The following WWOX variants were observed in gnomAD, a reference collection of about 807,000 sequenced individuals.
WWOX encodes WW domain containing oxidoreductase, also known as WW domain-containing oxidoreductase.
In WWOX, 69 loss-of-function variants were observed where a neutral mutation model predicts 46.2. The ratio of observed to expected loss-of-function variants is 1.49; its 90% CI spans 1.23 to 1.82. WWOX has a LOEUF of 1.82. Among genes scored for constraint, WWOX ranks in the 40% most tolerant of loss-of-function variants. WWOX has a pLI of 0.00. For synonymous variants in WWOX, 359 were observed against 202.6 expected, an observed-to-expected ratio of 1.77 and a Z score of -6.56; for missense variants, 919 against 542.6, an observed-to-expected ratio of 1.69 and a Z score of -6.89.
chr16:78,113,560 C>T (rs1012644295), intron 3 of WWOX, among the ~76,000 whole-genome samples: 4 of 152,146 alleles, frequency 2.6e-5, no homozygotes, highest in African/African-American at 9.7e-5. Flanking sequence ...GAAATTGGCT[C>T]CCCTGGCTAG....
At chr16:78,112,217 G>A (rs1319354884) in intron 3 of WWOX, among the ~76,000 whole-genome samples, 2 of 152,154 alleles carry the variant, frequency 1.3e-5, no homozygotes, top group East Asian at 1.9e-4. Context: ...ACATCATTTG[G>A]GAGTTTTATG....
intron 8 of WWOX, among the ~76,000 whole-genome samples, chr16:78,584,887 G>T (rs1012887243): frequency 2.6e-5 from 4 of 152,198 alleles, no homozygotes; most frequent in Non-Finnish European, 5.9e-5. Flanking sequence ...CAAAACATTT[G>T]AGAGAATTTC....
chr16:78,404,483 C>T (rs2082480643), intron 6 of WWOX, among the ~76,000 whole-genome samples: 1 of 152,032 alleles, frequency 6.6e-6, no homozygotes, highest in Non-Finnish European at 1.5e-5. Flanking sequence ...CCACCCCAAC[C>T]CTCCTCATCT....
chr16:79,088,524 G>A (rs2048895110), intron 8 of WWOX, among the ~76,000 whole-genome samples: 2 of 152,274 alleles, frequency 1.3e-5, no homozygotes, highest in East Asian at 1.9e-4. Context: ...CAAATATGAC[G>A]GAGTCAGAAA....
At chr16:78,559,556 G>A (rs778464411) in intron 8 of WWOX, among the ~76,000 whole-genome samples, 6 of 152,140 alleles carry the variant, frequency 3.9e-5, no homozygotes, top group African/African-American at 9.7e-5. Flanking sequence ...CTTATTAAAC[G>A]TGCTGGAAAA....
At chr16:78,825,950 C>G (rs1478752971) in intron 8 of WWOX, 1 of 798,794 alleles carries the variant, frequency 1.3e-6, no homozygotes, top group African/African-American at 1.7e-5. Flanking sequence ...CATCTCAGAA[C>G]AGAAGGGTGG....
At chr16:78,769,806 A>G (rs1417332693) in intron 8 of WWOX, among the ~76,000 whole-genome samples, 1 of 151,302 alleles carries the variant, frequency 6.6e-6, no homozygotes, top group Non-Finnish European at 1.5e-5. Flanking sequence ...CAGGAGTTCG[A>G]GATCAGTGTG....
chr16:79,160,070 C>T (rs965560178), intron 8 of WWOX, among the ~76,000 whole-genome samples: 11 of 152,150 alleles, frequency 7.2e-5, no homozygotes, highest in African/African-American at 2.4e-4. Context: ...AATCTGTTCC[C>T]ATTTGCAGTG....
chr16:78,698,699 G>T (rs2048150534), intron 8 of WWOX, among the ~76,000 whole-genome samples: 1 of 152,052 alleles, frequency 6.6e-6, no homozygotes, highest in Non-Finnish European at 1.5e-5. Context: ...TCTTAAGCCA[G>T]GTGCAGTGGA....
intron 8 of WWOX, among the ~76,000 whole-genome samples, chr16:78,619,742 C>A (rs1305505153): frequency 1.3e-5 from 2 of 151,662 alleles, no homozygotes; most frequent in Non-Finnish European, 2.9e-5. Context: ...CCATCTGTAT[C>A]CAAATAAAAG....
chr16:78,705,207 G>A (rs1387821359), intron 8 of WWOX, among the ~76,000 whole-genome samples: 7 of 152,082 alleles, frequency 4.6e-5, no homozygotes, highest in Admixed American at 3.9e-4. Flanking sequence ...TCTGACGGCC[G>A]CTAAAAATGT....
chr16:78,417,832 G>T (rs73571079), intron 6 of WWOX, among the ~76,000 whole-genome samples: 2,066 of 152,278 alleles, frequency 0.014, 42 homozygotes, highest in African/African-American at 0.045. Flanking sequence ...GGCACCCTAT[G>T]TGGAAAACAG....
At chr16:78,257,719 C>G (rs912482911) in intron 5 of WWOX, among the ~76,000 whole-genome samples, 11 of 152,064 alleles carry the variant, frequency 7.2e-5, no homozygotes, top group African/African-American at 2.7e-4. Flanking sequence ...ATTCTTTATT[C>G]TTTTGGAAGG....
rs538432704 is a variant in WWOX at position 78,510,498 on chromosome 16, C to T, written c.1056+77746C>T. On this transcript the variant is annotated intron_variant, in intron 8 of 8. Transcript: ENST00000566780. ...AAAGTGCTGGGATTACAGTCGTGAGCCACCGTGCCGGCCACTTTCATCTTT... is the reference window on the plus strand; with the variant it reads ...AAAGTGCTGGGATTACAGTCGTGAGTCACCGTGCCGGCCACTTTCATCTTT... 7.2e-5 allele frequency among the ~76,000 whole-genome samples: 11 copies of T among 152,260 alleles called. No homozygotes were observed. In the South Asian group the frequency reaches 1.7e-3, roughly 23 times the overall value.
chr16:78,212,957 T>C (rs2036603992), intron 5 of WWOX, among the ~76,000 whole-genome samples: 2 of 152,038 alleles, frequency 1.3e-5, no homozygotes, highest in South Asian at 4.2e-4. Context: ...GGGCTGTGCT[T>C]TAAAGTCATT....
chr16:78,663,910 C>T (rs72794740), intron 8 of WWOX, among the ~76,000 whole-genome samples: 1 of 152,152 alleles, frequency 6.6e-6, no homozygotes, highest in Non-Finnish European at 1.5e-5. Context: ...TTGGAGCCAA[C>T]AGGGATAATA....
intron 1 of WWOX, chr16:78,100,275 A>G: frequency 9.2e-7 from 1 of 1,082,840 alleles, no homozygotes; most frequent in Non-Finnish European, 1.1e-6. Context: ...TTTTGTCCAG[A>G]CCGGTATTGC....
chr16:78,418,454 G>A (rs931913497), intron 6 of WWOX, among the ~76,000 whole-genome samples: 7 of 151,842 alleles, frequency 4.6e-5, no homozygotes, highest in African/African-American at 9.7e-5. Flanking sequence ...ATCTGACACT[G>A]TGAAGCCACT....
chr16:78,332,313 T>G (rs2080777691), intron 5 of WWOX, among the ~76,000 whole-genome samples: 1 of 152,178 alleles, frequency 6.6e-6, no homozygotes, highest in African/African-American at 2.4e-5. Flanking sequence ...AGAGAATTAT[T>G]TGACTAGTTA....
Sources: allele counts gnomAD v4.1 joint callset (sites outside exome capture counted in the v4.1 genomes callset), GRCh38; gene constraint gnomAD v4.1.1; transcripts MANE v1.5; gene names NCBI Gene and HGNC (gene_info 2026-07-23, HGNC 2026-07-21).